Variants in ARRDC4 observed in about 807,000 individuals in gnomAD.
ARRDC4 encodes the protein arrestin domain-containing protein 4.
Under a neutral mutation model 44.6 loss-of-function variants are expected in ARRDC4, and 40 were observed. The observed-to-expected ratio is 0.90, with a 90% CI of 0.70 to 1.17. The LOEUF (loss-of-function observed/expected upper bound fraction) is 1.17, where lower values mean the gene tolerates loss of function less well. Among genes scored for constraint, ARRDC4 ranks in the 50% most tolerant of loss-of-function variants. The pLI, the probability that ARRDC4 is intolerant of heterozygous loss-of-function variation, is 0.00. For synonymous variants in ARRDC4, 211 were observed against 221.2 expected (o/e 0.95, Z 0.41); for missense variants, 550 against 559.1 (o/e 0.98, Z 0.16).
chr15:97,965,776 A>G lies in ARRDC4; in HGVS notation c.374+110A>G. ...TCAAGTATGCATGTTTACACTGAAT[A>G]GTCCCTAAATAGACTTACTCTTTTT... On this transcript the variant is annotated intron_variant, in intron 2 of 7. Transcript: ENST00000268042. This position sits in a 1 kb window ranked among gnomAD's most constrained non-coding sequence, Gnocchi z 5.1. 6.7e-7 allele frequency: 1 copy of G among 1,488,846 alleles called. No homozygotes were observed. 92.2% of individuals were successfully genotyped at this position (1,488,846 alleles called of 1,614,324 possible).
chr15:97,967,908 T>C lies in ARRDC4; in HGVS notation c.523-106T>C, dbSNP rs1182112597. On this transcript the variant is annotated intron_variant, in intron 3 of 7. Coordinates refer to ENST00000268042, the MANE Select transcript of ARRDC4 (RefSeq NM_183376.3). The surrounding 1 kb of genome is among the most constrained non-coding windows in gnomAD (Gnocchi z 5.0). ...GGATAAGAAAGTTTGATTCATTTTT[T>C]TGGTATTTCCTTACAACCATTCTGT... 1.1e-5 allele frequency: 7 copies of C among 640,364 alleles called. No individual in the cohort carries two copies. Among genetic ancestry groups the C allele is most frequent in the African/African-American group, 1.9e-5 (1 of 52,990 alleles). The allele number at this position is 640,364 out of a possible 1,614,324, so 39.7% of individuals were successfully genotyped here.
In ARRDC4 at chr15:97,970,934, A is replaced by C. The variant is rs562082015; in HGVS notation, c.1200+191A>C. On this transcript the variant is annotated intron_variant, in intron 7 of 7. Transcript: ENST00000268042. This position sits in a 1 kb window ranked among gnomAD's most constrained non-coding sequence, Gnocchi z 4.2. The stretch of plus-strand genomic sequence containing the variant: ...TTTTTTACTATTGTCCTTGTGATCT[A>C]TGGCATCAGATACAGTATTGTGGAT... Among the ~76,000 whole-genome samples the C allele has an allele frequency of 1.4e-4, 21 of 152,208 alleles. No individual in the cohort carries two copies. The highest frequency in any genetic ancestry group is 2.2e-4 in the Non-Finnish European group (15 of 67,992).
In ARRDC4 at chr15:97,965,134, T is replaced by A. The variant is rs192690768; in HGVS notation, c.308-466T>A. 6.6e-6 allele frequency among the ~76,000 whole-genome samples: 1 copy of A among 152,218 alleles called. No homozygotes were observed. The highest frequency in any genetic ancestry group is 1.5e-5 in the Non-Finnish European group (1 of 68,044). ...GTGTATGTATGTGTGAGTGTTATGG[T>A]ACTTGGTAAAAACTGGCCAAGTGCA... On this transcript the variant is annotated intron_variant, in intron 1 of 7. Coordinates refer to ENST00000268042, the MANE Select transcript of ARRDC4 (RefSeq NM_183376.3). This position sits in a 1 kb window ranked among gnomAD's most constrained non-coding sequence, Gnocchi z 5.1.
chr15:97,969,413 A>G (rs763028565), intron 5 of ARRDC4, 34 bp downstream of exon 5: 1 of 1,604,830 alleles, frequency 6.2e-7, no homozygotes, highest in Non-Finnish European at 8.5e-7. Context: ...AAAAATGTGT[A>G]TGATGGACAA....
Position 97,970,013 on chromosome 15 carries a change from G to A in ARRDC4, c.1013G>A (p.Trp338Ter), listed in dbSNP as rs1899482878. Residue 338 changes from tryptophan to a stop codon, truncating the protein, a stop_gained, in exon 6 of 8, where the codon TGG becomes TAG. Transcript: ENST00000268042. LOFTEE classifies it high-confidence loss of function. This position sits in a 1 kb window ranked among gnomAD's most constrained non-coding sequence, Gnocchi z 4.2. The stretch of plus-strand genomic sequence containing the variant: ...AGCCAGTTCAGTATGGATATGAGCT[G>A]GTTGACACTGACCCTGCCAGAGCAG... Reference protein sequence around the residue: ...IASQFSMDMSWLTLTLPEQPE... With the variant: ...IASQFSMDMS The A allele has an allele frequency of 6.2e-7, 1 of 1,612,652 alleles. No homozygotes were observed. The highest frequency in any genetic ancestry group is 8.5e-7 in the Non-Finnish European group (1 of 1,179,088).
chr15:97,964,288 T>A (rs1246135980), intron 1 of ARRDC4, among the ~76,000 whole-genome samples: 1 of 152,202 alleles, frequency 6.6e-6, no homozygotes, highest in Non-Finnish European at 1.5e-5. Flanking sequence ...TCTTTAAATT[T>A]TTTTTTTTAG....
chr15:97,962,322 T>C (rs1319324895), intron 1 of ARRDC4, among the ~76,000 whole-genome samples: 1 of 152,182 alleles, frequency 6.6e-6, no homozygotes, highest in Non-Finnish European at 1.5e-5. Flanking sequence ...GGGAACAGTG[T>C]GTTAGTGATA....
chr15:97,963,740 G>A (rs892735002), intron 1 of ARRDC4, among the ~76,000 whole-genome samples: 2 of 152,102 alleles, frequency 1.3e-5, no homozygotes, highest in Admixed American at 6.5e-5. Context: ...GATTATCTGC[G>A]GTGCCTGAAA....
Position 97,968,808 on chromosome 15 carries a change from A to C in ARRDC4, c.626-315A>C, listed in dbSNP as rs1427740387. The stretch of plus-strand genomic sequence containing the variant: ...AGTTTGTTAGTGATCTTTTATACTT[A>C]ACATAGTCCTGAATCATTTATTTGT... On this transcript the variant is annotated intron_variant, in intron 4 of 7. Coordinates refer to ENST00000268042, the MANE Select transcript of ARRDC4 (RefSeq NM_183376.3). The surrounding 1 kb of genome is among the most constrained non-coding windows in gnomAD (Gnocchi z 5.4). Among the ~76,000 whole-genome samples the C allele has an allele frequency of 1.3e-5, 2 of 152,198 alleles. No homozygotes were observed. Among genetic ancestry groups the C allele is most frequent in the African/African-American group, 2.4e-5 (1 of 41,464 alleles).
rs374919516 is a variant in ARRDC4 at position 97,970,498 on chromosome 15, C to G, written c.1046-91C>G. ...GAAAGAATGCCATATTTTTTATCTTCAAGTTTAGCTGTTTCTTGTTTTTGT... is the reference window on the plus strand; with the variant it reads ...GAAAGAATGCCATATTTTTTATCTTGAAGTTTAGCTGTTTCTTGTTTTTGT... On this transcript the variant is annotated intron_variant, in intron 6 of 7. Coordinates refer to ENST00000268042, the MANE Select transcript of ARRDC4 (RefSeq NM_183376.3). This position sits in a 1 kb window ranked among gnomAD's most constrained non-coding sequence, Gnocchi z 4.2. The G allele has an allele frequency of 7.5e-7, 1 of 1,334,280 alleles. No individual in the cohort carries two copies. Among genetic ancestry groups the G allele is most frequent in the African/African-American group, 1.5e-5 (1 of 68,266 alleles). 82.7% of individuals were successfully genotyped at this position (1,334,280 alleles called of 1,614,324 possible).
chr15:97,971,024 C>A, intron 7 of ARRDC4, 107 bp from the exon 8 acceptor site: 1 of 1,275,622 alleles, frequency 7.8e-7, no homozygotes, highest in Non-Finnish European at 1.1e-6. Context: ...GGGACTTACA[C>A]AGGCTCTGAC....
rs1486013059 is a variant in ARRDC4 at position 97,972,185 on chromosome 15, T to TG, written c.*1001dup. 1 of 152,564 alleles carries TG rather than the reference T, an allele frequency of 6.6e-6. No individual in the cohort carries two copies. The allele number at this position is 152,564 out of a possible 1,614,324, so 9.5% of individuals were successfully genotyped here. A position where few individuals can be genotyped will look rare whatever the true frequency, so the allele number is the denominator to read the frequency against. ...TCTCATCTATCACTAAATATGAAAC[T>TG]GGGCCAAGGGGAAAATTCAGTAAGT... On this transcript the variant is annotated 3_prime_UTR_variant, in exon 8 of 8. Coordinates refer to ENST00000268042, the MANE Select transcript of ARRDC4 (RefSeq NM_183376.3). This position sits in a 1 kb window ranked among gnomAD's most constrained non-coding sequence, Gnocchi z 5.3.
Position 97,968,204 on chromosome 15 carries a change from T to C in ARRDC4, c.625+88T>C, listed in dbSNP as rs1899450950. 10 of 752,334 alleles carry C rather than the reference T, an allele frequency of 1.3e-5. No homozygotes were observed. The highest frequency in any genetic ancestry group is 3.0e-5 in the East Asian group (1 of 33,662). 46.6% of individuals were successfully genotyped at this position (752,334 alleles called of 1,614,324 possible). A position where few individuals can be genotyped will look rare whatever the true frequency, so the allele number is the denominator to read the frequency against. On this transcript the variant is annotated intron_variant, in intron 4 of 7. Coordinates refer to ENST00000268042, the MANE Select transcript of ARRDC4 (RefSeq NM_183376.3). The surrounding 1 kb of genome is among the most constrained non-coding windows in gnomAD (Gnocchi z 5.4). ...TGATTTTAAATAGTGTTTTTTGTAA[T>C]TATATGACGTGTATAGTATTTTAAA...
rs964678771 is a variant in ARRDC4 at position 97,960,751 on chromosome 15, C to A, written c.-111C>A. 5.7e-5 allele frequency: 57 copies of A among 998,608 alleles called. No individual in the cohort carries two copies. Among genetic ancestry groups the A allele is most frequent in the Admixed American group, 8.7e-5 (2 of 23,036 alleles). 61.9% of individuals were successfully genotyped at this position (998,608 alleles called of 1,614,324 possible). A position where few individuals can be genotyped will look rare whatever the true frequency, so the allele number is the denominator to read the frequency against. On this transcript the variant is annotated 5_prime_UTR_variant, in exon 1 of 8. Transcript: ENST00000268042. ...GCCCCATCGGGTACCGCACGGCTGCCGCGGCGGCCTTACCCTGCCGCGAGC... is the reference window on the plus strand; with the variant it reads ...GCCCCATCGGGTACCGCACGGCTGCAGCGGCGGCCTTACCCTGCCGCGAGC...
chr15:97,964,217 CATAAA>C (rs913647289), intron 1 of ARRDC4, among the ~76,000 whole-genome samples: 2 of 152,078 alleles, frequency 1.3e-5, no homozygotes, highest in African/African-American at 4.8e-5. Context: ...TGGTTAAGGT[CATAAA>C]ATAAAACTCT....
rs1335956741 is a variant in ARRDC4, at chr15:97,966,094, C to T, written c.522+52C>T. 7.6e-6 allele frequency: 12 copies of T among 1,584,622 alleles called. No individual in the cohort carries two copies. The highest frequency in any genetic ancestry group is 9.5e-6 in the Non-Finnish European group (11 of 1,160,314). ...CTCCTTTTCCTCCTTCCCTCCCTTC[C>T]TCCTTCCTTTCAACAGTGGGATCTA... On this transcript the variant is annotated intron_variant, in intron 3 of 7. Coordinates refer to ENST00000268042, the MANE Select transcript of ARRDC4 (RefSeq NM_183376.3). This position sits in a 1 kb window ranked among gnomAD's most constrained non-coding sequence, Gnocchi z 4.7.
At position 97,968,452 on chromosome 15, in the gene ARRDC4, A is replaced by G. The variant is rs1899455287; in HGVS notation, c.625+336A>G. On this transcript the variant is annotated intron_variant, in intron 4 of 7. Coordinates refer to ENST00000268042, the MANE Select transcript of ARRDC4 (RefSeq NM_183376.3). This position sits in a 1 kb window ranked among gnomAD's most constrained non-coding sequence, Gnocchi z 5.4. Reference sequence around the variant, plus strand: ...CTAAAAAGAGAACTACTGGAGTATGAAATGCTATTAGACATTCTGATTCCA... The same window carrying G: ...CTAAAAAGAGAACTACTGGAGTATGGAATGCTATTAGACATTCTGATTCCA... 6.6e-6 allele frequency among the ~76,000 whole-genome samples: 1 copy of G among 152,202 alleles called. No homozygotes were observed. Among genetic ancestry groups the G allele is most frequent in the Non-Finnish European group, 1.5e-5 (1 of 68,034 alleles).
rs1899482976 is a variant in ARRDC4 at position 97,970,015 on chromosome 15, T to C, written c.1015T>C (p.Leu339=). Reference sequence around the variant, plus strand: ...CCAGTTCAGTATGGATATGAGCTGGTTGACACTGACCCTGCCAGAGCAGCC... The same window carrying C: ...CCAGTTCAGTATGGATATGAGCTGGCTGACACTGACCCTGCCAGAGCAGCC... ...ASQFSMDMSW[L]TLTLPEQPEA... is the part of the protein sequence containing the mutation. Residue 339 remains leucine (L), a synonymous_variant, in exon 6 of 8, where the codon TTG becomes CTG. Coordinates refer to ENST00000268042, the MANE Select transcript of ARRDC4 (RefSeq NM_183376.3). This position sits in a 1 kb window ranked among gnomAD's most constrained non-coding sequence, Gnocchi z 4.2. 1 of 1,612,970 alleles carries C rather than the reference T, an allele frequency of 6.2e-7. No individual in the cohort carries two copies. The highest frequency in any genetic ancestry group is 8.5e-7 in the Non-Finnish European group (1 of 1,179,274).
At chr15:97,969,509 A>G (rs748767451) in intron 5 of ARRDC4, 130 bp downstream of exon 5, 4 of 1,045,884 alleles carry the variant, frequency 3.8e-6, no homozygotes, top group African/African-American at 1.6e-5. Flanking sequence ...TGGGGACTGT[A>G]TGAAGATTGG....
Sources: gnomAD v4.1 joint callset for allele counts (sites outside exome capture counted in the v4.1 genomes callset) on GRCh38, gnomAD v4.1.1 for gene constraint, Gnocchi (gnomAD v3.1) non-coding constraint, MANE v1.5 for transcripts, NCBI Gene and HGNC (gene_info 2026-07-23, HGNC 2026-07-21) for gene names.